The following TENM2 variants were observed in gnomAD, a reference collection of about 807,000 sequenced individuals.
The protein encoded by TENM2 is teneurin transmembrane protein 2, also known as teneurin-2.
TENM2 carries 52 observed loss-of-function variants against 245.2 expected under a neutral mutation model. That is an observed-to-expected ratio of 0.21 (90% CI 0.17 to 0.27). TENM2 has a LOEUF of 0.27. Among genes scored for constraint, TENM2 ranks in the 10% least tolerant of loss-of-function variants. The pLI is 1.00. For synonymous variants in TENM2, 1,363 were observed against 1,438.9 expected, an observed-to-expected ratio of 0.95 and a Z score of 1.19; for missense variants, 3,046 against 3,666.8, an observed-to-expected ratio of 0.83 and a Z score of 4.37.
chr5:167,813,176 G>T (rs1436254817), intron 2 of TENM2, among the ~76,000 whole-genome samples: 1 of 152,084 alleles, frequency 6.6e-6, no homozygotes. Context: ...CTGGGCCTCT[G>T]CATTCTGAGG....
intron 2 of TENM2, among the ~76,000 whole-genome samples, chr5:167,840,816 G>T (rs6889047): frequency 0.22 from 32,760 of 152,064 alleles, 5,074 homozygotes; most frequent in African/African-American, 0.44. Flanking sequence ...AAAACAATGT[G>T]TGGTCTATAA....
intron 2 of TENM2, among the ~76,000 whole-genome samples, chr5:167,672,912 C>CAAAAAAA (rs35274077): frequency 9.0e-6 from 1 of 110,872 alleles, no homozygotes. Context: ...TCAGGCAAAG[C>CAAAAAAA]AAAAAAAAAA....
At chr5:167,712,850 C>A (rs367818677) in intron 2 of TENM2, among the ~76,000 whole-genome samples, 1 of 152,044 alleles carries the variant, frequency 6.6e-6, no homozygotes, top group South Asian at 2.1e-4. Flanking sequence ...ATATTTCTTT[C>A]GGCAAACACC....
chr5:167,455,153 A>G (rs528097291), intron 2 of TENM2, among the ~76,000 whole-genome samples: 1 of 152,196 alleles, frequency 6.6e-6, no homozygotes, highest in East Asian at 1.9e-4. Flanking sequence ...TGTTGTGTAG[A>G]CTCATTAATG....
chr5:168,257,540 T>C (rs183479496), intron 27 of TENM2, among the ~76,000 whole-genome samples: 67 of 151,884 alleles, frequency 4.4e-4, no homozygotes, highest in African/African-American at 1.6e-3. Context: ...AGAAGGACTT[T>C]GGCTTTTTCA....
chr5:167,922,437 C>G (rs1561937787), intron 3 of TENM2, among the ~76,000 whole-genome samples: 1 of 152,178 alleles, frequency 6.6e-6, no homozygotes, highest in Non-Finnish European at 1.5e-5. Context: ...AACCATGTTC[C>G]TTTTCTTTCT....
intron 2 of TENM2, among the ~76,000 whole-genome samples, chr5:167,870,627 A>G (rs374602500): frequency 6.8e-6 from 1 of 148,048 alleles, no homozygotes; most frequent in Admixed American, 6.8e-5. Flanking sequence ...ATGTATATAT[A>G]TACACACACA....
chr5:168,135,077 A>G (rs1754928230), intron 12 of TENM2, among the ~76,000 whole-genome samples: 1 of 152,208 alleles, frequency 6.6e-6, no homozygotes. Context: ...TAGGAGACCC[A>G]AATTTGACTC....
intron 3 of TENM2, among the ~76,000 whole-genome samples, chr5:167,901,797 C>T (rs1028844901): frequency 6.6e-6 from 1 of 152,048 alleles, no homozygotes. Context: ...TTTGTTGCTT[C>T]AATTTTTTGT....
chr5:167,066,449 T>C, the TENM2 span, among the ~76,000 whole-genome samples: 8 of 152,092 alleles, frequency 5.3e-5, no homozygotes, highest in African/African-American at 1.9e-4. Flanking sequence ...GTTACATGTG[T>C]ATACATGTGC....
chr5:167,729,580 TGAGA>T (rs1475282202), intron 2 of TENM2, among the ~76,000 whole-genome samples: 1 of 152,200 alleles, frequency 6.6e-6, no homozygotes, highest in Non-Finnish European at 1.5e-5. Context: ...TGTCAATTAA[TGAGA>T]GATTGTTAAA....
At chr5:167,184,083 A>G in the TENM2 span, among the ~76,000 whole-genome samples, 1 of 152,230 alleles carries the variant, frequency 6.6e-6, no homozygotes, top group East Asian at 1.9e-4. Context: ...AATTCACTCA[A>G]AAGAACAGAT....
the TENM2 span, among the ~76,000 whole-genome samples, chr5:167,186,646 C>T: frequency 6.6e-6 from 1 of 152,164 alleles, no homozygotes; most frequent in African/African-American, 2.4e-5. Flanking sequence ...GTGGGTCTTC[C>T]TGGACTGATG....
At chr5:167,557,932 C>A (rs540776264) in intron 2 of TENM2, among the ~76,000 whole-genome samples, 72 of 152,260 alleles carry the variant, frequency 4.7e-4, no homozygotes, top group Non-Finnish European at 9.0e-4. Context: ...AGTATTTGAA[C>A]CTTGGAGAAA....
At chr5:167,328,287 A>G (rs1443268581) in intron 1 of TENM2, among the ~76,000 whole-genome samples, 10 of 142,938 alleles carry the variant, frequency 7.0e-5, no homozygotes, top group Admixed American at 6.7e-4. Flanking sequence ...GCTCACTGCA[A>G]CCTCTGTCTC....
intron 3 of TENM2, among the ~76,000 whole-genome samples, chr5:167,901,639 A>G (rs1045395907): frequency 2.0e-5 from 3 of 152,192 alleles, no homozygotes; most frequent in African/African-American, 7.2e-5. Context: ...CTAGCACCAC[A>G]CCTGGTACAG....
intron 4 of TENM2, among the ~76,000 whole-genome samples, chr5:167,970,774 T>C (rs1272271331): frequency 6.6e-6 from 1 of 152,166 alleles, no homozygotes; most frequent in Non-Finnish European, 1.5e-5. Context: ...ATGTTCATAA[T>C]GGTGCCCATT....
intron 2 of TENM2, among the ~76,000 whole-genome samples, chr5:167,788,821 T>G (rs1182487991): frequency 1.3e-5 from 2 of 152,188 alleles, no homozygotes; most frequent in Non-Finnish European, 2.9e-5. Flanking sequence ...CACCCTTGTT[T>G]CTCGATTACT....
chr5:167,311,967 G>A (rs2127755257), intron 1 of TENM2, among the ~76,000 whole-genome samples: 1 of 152,142 alleles, frequency 6.6e-6, no homozygotes, highest in Non-Finnish European at 1.5e-5. Context: ...CTAGTTAAGG[G>A]GGAATTTTTT....
Sources: gnomAD v4.1 joint callset for allele counts (sites outside exome capture counted in the v4.1 genomes callset) on GRCh38, gnomAD v4.1.1 for gene constraint, MANE v1.5 for transcripts, NCBI Gene and HGNC (gene_info 2026-07-23, HGNC 2026-07-21) for gene names.